Variants in CHRNA2 observed in about 807,000 individuals in gnomAD.
CHRNA2 encodes the protein cholinergic receptor nicotinic alpha 2 subunit, also known as neuronal acetylcholine receptor subunit alpha-2.
Under a neutral mutation model 45.5 loss-of-function variants are expected in CHRNA2, and 40 were observed. The observed-to-expected ratio is 0.88, with a 90% CI of 0.68 to 1.15. CHRNA2 has a LOEUF of 1.15. CHRNA2 is among the 50% of genes most tolerant of loss of function. CHRNA2 has a pLI of 0.00. For synonymous variants in CHRNA2, 301 were observed against 296.7 expected (o/e 1.01, Z -0.15); for missense variants, 655 against 701.7 (o/e 0.93, Z 0.75).
rs771693410 is a variant in CHRNA2 at position 27,463,245 on chromosome 8, A to C, written c.1198T>G (p.Ser400Ala). 6.3e-7 allele frequency: 1 copy of C among 1,596,590 alleles called. No homozygotes were observed. The highest frequency in any genetic ancestry group is 8.6e-7 in the Non-Finnish European group (1 of 1,168,828). ...CHPLRLKLSPSYHWLESNVDA... is the reference protein window; with the variant it reads ...CHPLRLKLSPAYHWLESNVDA... ...ACGTTGCTCTCCAGCCAGTGATAAG[A>C]GGGGCTGAGCTTCAGGCGTAGGGGG... The change falls in exon 6 of 7, where the codon TCT becomes GCT. Residue 400 changes from serine (S) to alanine (A), a missense_variant. Physicochemically the swap from Ser to Ala is moderately conservative, Grantham distance 99 (BLOSUM62 1). Transcript: ENST00000407991. The surrounding 1 kb of genome is among the most constrained non-coding windows in gnomAD (Gnocchi z 6.1).
At chr8:27,467,802 A>G (rs1196006002) in intron 4 of CHRNA2, among the ~76,000 whole-genome samples, 1 of 152,158 alleles carries the variant, frequency 6.6e-6, no homozygotes, top group African/African-American at 2.4e-5. Context: ...GAGGACCCAG[A>G]GACAGGAAAA....
rs745774113 is a variant in CHRNA2 at position 27,463,375 on chromosome 8, G to T, written c.1068C>A (p.Ser356=). Reference sequence around the variant, plus strand: ...AGTGGGGCATGGTGTGGGTGCTGGGGGAGCGGTGGTGCACATTGAGCACGA... The same window carrying T: ...AGTGGGGCATGGTGTGGGTGCTGGGTGAGCGGTGGTGCACATTGAGCACGA... ...TVFVLNVHHR[S]PSTHTMPHWV... is the part of the protein sequence containing the mutation. The change falls in exon 6 of 7, where the codon TCC becomes TCA. Residue 356 remains serine, a synonymous_variant. Transcript: ENST00000407991. This position sits in a 1 kb window ranked among gnomAD's most constrained non-coding sequence, Gnocchi z 6.1. 1 of 1,614,116 alleles carries T rather than the reference G, an allele frequency of 6.2e-7. No homozygotes were observed. Among genetic ancestry groups the T allele is most frequent in the Admixed American group, 1.7e-5 (1 of 60,028 alleles).
chr8:27,464,145 G>A (rs892271820), intron 5 of CHRNA2, 152 bp from the exon 6 acceptor site: 4 of 807,632 alleles, frequency 5.0e-6, no homozygotes, highest in South Asian at 3.1e-5. Context: ...AGTCTCCCCC[G>A]GCATGCACAT....
At chr8:27,468,826 C>T (rs964406605) in intron 4 of CHRNA2, among the ~76,000 whole-genome samples, 4 of 152,326 alleles carry the variant, frequency 2.6e-5, no homozygotes, top group East Asian at 1.9e-4. Flanking sequence ...GGCCATAAAG[C>T]CATGAGATAC....
At chr8:27,470,435 C>A (rs1374064294) in intron 2 of CHRNA2, among the ~76,000 whole-genome samples, 1 of 152,204 alleles carries the variant, frequency 6.6e-6, no homozygotes, top group Non-Finnish European at 1.5e-5. Flanking sequence ...GGGAAATGGA[C>A]CGCTTTGGGA....
At chr8:27,469,567 A>T in intron 3 of CHRNA2, 188 bp from the exon 4 acceptor site, 1 of 868,292 alleles carries the variant, frequency 1.2e-6, no homozygotes, top group East Asian at 2.6e-5. Flanking sequence ...GCTGCCAATC[A>T]ATGCCCTCCT....
chr8:27,462,895 C>T, intron 6 of CHRNA2, 84 bp downstream of exon 6: 1 of 1,576,254 alleles, frequency 6.3e-7, no homozygotes, highest in Non-Finnish European at 8.7e-7. Context: ...CCTGGGCTGC[C>T]CAAGCTCACA....
rs1456270562 is a variant in CHRNA2 at position 27,467,080 on chromosome 8, T to G, written c.449+149A>C. 3.0e-5 allele frequency: 20 copies of G among 673,792 alleles called. No individual in the cohort carries two copies. In the South Asian group the frequency reaches 3.1e-4, roughly 10 times the overall value. 41.7% of individuals were successfully genotyped at this position (673,792 alleles called of 1,614,324 possible). ...GAACAAAAGGAAAGAAATGAAGGAA[T>G]AGAGAGAGAGGTAGGGGAGGCATGC... On this transcript the variant is annotated intron_variant, in intron 5 of 6. Coordinates refer to ENST00000407991, the MANE Select transcript of CHRNA2 (RefSeq NM_000742.4).
intron 1 of CHRNA2, among the ~76,000 whole-genome samples, chr8:27,474,775 C>T (rs1312343512): frequency 6.6e-6 from 1 of 152,236 alleles, no homozygotes; most frequent in Non-Finnish European, 1.5e-5. Flanking sequence ...CTCACATCGC[C>T]CTGCAAATTA....
At chr8:27,473,523 G>GACCC (rs1812957576) in intron 1 of CHRNA2, among the ~76,000 whole-genome samples, 1 of 82,720 alleles carries the variant, frequency 1.2e-5, no homozygotes, top group African/African-American at 6.1e-5. Flanking sequence ...AACATAGTGA[G>GACCC]ACCCCCCCCG....
In CHRNA2 at chr8:27,461,460, G is replaced by T; in HGVS notation, c.*169C>A. On this transcript the variant is annotated 3_prime_UTR_variant, in exon 7 of 7. Transcript: ENST00000407991. ...TTGCACCCAGCAGGCTGTCAGCCCT[G>T]GTACAATAACGTTAAGCTGGATGGA... 1.1e-6 allele frequency: 1 copy of T among 938,396 alleles called. No individual in the cohort carries two copies. The highest frequency in any genetic ancestry group is 1.6e-6 in the Non-Finnish European group (1 of 628,958). 58.1% of individuals were successfully genotyped at this position (938,396 alleles called of 1,614,324 possible). A position where few individuals can be genotyped will look rare whatever the true frequency, so the allele number is the denominator to read the frequency against.
In CHRNA2 at chr8:27,463,687, G is replaced by A. The variant is rs1199705209; in HGVS notation, c.756C>T (p.Tyr252=). 3.1e-6 allele frequency: 5 copies of A among 1,614,136 alleles called. No individual in the cohort carries two copies. Among genetic ancestry groups the A allele is most frequent in the Non-Finnish European group, 4.2e-6 (5 of 1,180,030 alleles). The change falls in exon 6 of 7, where the codon TAC becomes TAT. Residue 252 remains tyrosine, a synonymous_variant. Coordinates refer to ENST00000407991, the MANE Select transcript of CHRNA2 (RefSeq NM_000742.4). The surrounding 1 kb of genome is among the most constrained non-coding windows in gnomAD (Gnocchi z 6.1). ...SKKYDCCAEI[Y]PDVTYAFVIR... is the part of the protein sequence containing the mutation. Reference sequence around the variant, plus strand: ...TGACGAAGGCGTAGGTGACGTCGGGGTAGATCTCGGCGCAGCAGTCGTACT... The same window carrying A: ...TGACGAAGGCGTAGGTGACGTCGGGATAGATCTCGGCGCAGCAGTCGTACT...
At chr8:27,464,341 A>G (rs184620831) in intron 5 of CHRNA2, among the ~76,000 whole-genome samples, 4 of 152,326 alleles carry the variant, frequency 2.6e-5, no homozygotes, top group Admixed American at 2.6e-4. Context: ...TGACAATCAT[A>G]TATTTGTGAT....
In CHRNA2 at chr8:27,461,689, G is replaced by A. The variant is rs149142237; in HGVS notation, c.1530C>T (p.Ile510=). Residue 510 remains isoleucine, a synonymous_variant, in exon 7 of 7, where the codon ATC becomes ATT. Coordinates refer to ENST00000407991, the MANE Select transcript of CHRNA2 (RefSeq NM_000742.4). The part of the protein sequence containing the change: ...IDRIFLWLFI[I]VCFLGTIGLF... ...GGCCGATGGTCCCCAGGAAGCAGAC[G>A]ATGATAAACAGCCAGAGGAAGATCC... is the stretch of plus-strand genomic sequence containing the variant. The A allele has an allele frequency of 6.4e-4, 1,031 of 1,614,232 alleles. No homozygotes were observed. Among genetic ancestry groups the A allele is most frequent in the Non-Finnish European group, 8.2e-4 (963 of 1,180,040 alleles).
chr8:27,470,944 G>A (rs747665660), intron 2 of CHRNA2, 42 bp downstream of exon 2: 29 of 1,592,648 alleles, frequency 1.8e-5, no homozygotes, highest in Non-Finnish European at 2.3e-5. Flanking sequence ...GAGCCCACAG[G>A]CATGAGATGA....
intron 1 of CHRNA2, among the ~76,000 whole-genome samples, chr8:27,477,437 G>A (rs1813095213): frequency 6.6e-6 from 1 of 152,018 alleles, no homozygotes; most frequent in Non-Finnish European, 1.5e-5. Context: ...CTCCATTAGT[G>A]AGAATAGGAA....
At chr8:27,471,299 C>T in intron 1 of CHRNA2, 105 bp from the exon 2 acceptor site, 1 of 472,184 alleles carries the variant, frequency 2.1e-6, no homozygotes, top group South Asian at 2.1e-5. Context: ...AAAAGGCCCT[C>T]AGCAGGCCTC....
In CHRNA2 at chr8:27,469,874, G is replaced by A. The variant is rs142375828; in HGVS notation, c.181C>T (p.Arg61Trp). ...CCCCGGAAGAGGTGTTTGAAGAGCC[G>A]GTCCTCAGTCTCGGTATGCGAGCCT... ...QGGSHTETED[R>W]LFKHLFRGYN... The change falls in exon 3 of 7, where the codon CGG becomes TGG. Residue 61 changes from arginine (R) to tryptophan (W), a missense_variant. Arg to Trp is a moderately radical substitution (Grantham distance 101). Transcript: ENST00000407991. The A allele has an allele frequency of 1.5e-5, 24 of 1,614,048 alleles. No homozygotes were observed. Among genetic ancestry groups the A allele is most frequent in the African/African-American group, 9.3e-5 (7 of 74,928 alleles).
intron 1 of CHRNA2, chr8:27,475,289 A>C (rs1813026688): frequency 6.6e-6 from 1 of 152,208 alleles, no homozygotes; most frequent in Non-Finnish European, 1.5e-5. Flanking sequence ...AAAAAGTGGA[A>C]GCAACTCCGG....
Sources: gnomAD v4.1 joint callset for allele counts (sites outside exome capture counted in the v4.1 genomes callset) on GRCh38, gnomAD v4.1.1 for gene constraint, Gnocchi (gnomAD v3.1) non-coding constraint, MANE v1.5 for transcripts, NCBI Gene and HGNC (gene_info 2026-07-23, HGNC 2026-07-21) for gene names.